The following EHBP1 variants were observed in gnomAD, a reference collection of about 807,000 sequenced individuals.
EHBP1 encodes the protein EH domain binding protein 1.
A neutral mutation model predicts 144.0 loss-of-function variants in EHBP1; 55 were observed. That is an observed-to-expected ratio of 0.38 (90% CI 0.31 to 0.48). The LOEUF (loss-of-function observed/expected upper bound fraction) is 0.48, where lower values mean the gene tolerates loss of function less well. Ranked by LOEUF, EHBP1 falls within the 20% of genes least tolerant of loss-of-function variation. EHBP1 has a pLI of 0.98. For missense variants in EHBP1, 1,200 were observed against 1,364.2 expected, an observed-to-expected ratio of 0.88 and a Z score of 1.90; for synonymous variants, 469 against 472.7, an observed-to-expected ratio of 0.99 and a Z score of 0.10.
intron 10 of EHBP1, among the ~76,000 whole-genome samples, chr2:62,918,257 A>G (rs1321039728): frequency 1.3e-5 from 2 of 151,930 alleles, no homozygotes; most frequent in Non-Finnish European, 1.5e-5. Context: ...CTTTCTCTCT[A>G]CTACTCTTTG....
At chr2:62,749,276 G>C (rs2039449055) in intron 3 of EHBP1, among the ~76,000 whole-genome samples, 1 of 152,066 alleles carries the variant, frequency 6.6e-6, no homozygotes, top group African/African-American at 2.4e-5. Flanking sequence ...GAGAGTGATG[G>C]TTTCCAGCTT....
At chr2:62,894,180 G>T (rs936535880) in intron 10 of EHBP1, among the ~76,000 whole-genome samples, 19 of 152,126 alleles carry the variant, frequency 1.2e-4, no homozygotes, top group African/African-American at 4.3e-4. Flanking sequence ...AGTTGAGAGG[G>T]ACATGACTAA....
At chr2:62,878,702 C>T (rs995990192) in intron 10 of EHBP1, among the ~76,000 whole-genome samples, 32 of 152,144 alleles carry the variant, frequency 2.1e-4, no homozygotes, top group African/African-American at 7.2e-4. Context: ...ATAAACAGAA[C>T]TAAAGACAAA....
intron 1 of EHBP1, among the ~76,000 whole-genome samples, chr2:62,695,055 A>G (rs1051140920): frequency 6.6e-6 from 1 of 152,158 alleles, no homozygotes; most frequent in African/African-American, 2.4e-5. Context: ...AAAGCAATTC[A>G]AGTACAAAAT....
intron 19 of EHBP1, among the ~76,000 whole-genome samples, chr2:63,013,839 A>G (rs1382623071): frequency 6.6e-6 from 1 of 152,210 alleles, no homozygotes; most frequent in African/African-American, 2.4e-5. Context: ...ACAGGAGGAA[A>G]TTTGAACAAA....
chr2:62,686,955 A>G (rs2033739529), intron 1 of EHBP1, among the ~76,000 whole-genome samples: 1 of 152,164 alleles, frequency 6.6e-6, no homozygotes, highest in Non-Finnish European at 1.5e-5. Context: ...TAACAACTCT[A>G]AAGACAAGCC....
chr2:62,881,418 G>GAAAAAAAAAAAAAAAAAAAAAAAAGA (rs371288881), intron 10 of EHBP1, among the ~76,000 whole-genome samples: 1 of 69,776 alleles, frequency 1.4e-5, no homozygotes, highest in Non-Finnish European at 2.7e-5. Context: ...AGGAAAAACG[G>GAAAAAAAAAAAAAAAAAAAAAAAAGA]AAAAAAAAAA....
Position 62,863,533 on chromosome 2 carries a change from A to G in EHBP1, c.758-1198A>G, listed in dbSNP as rs531271123. ...AACTTGATATATCTATCAGCTTACC[A>G]GTATTATTATAGTGCTTTCACCTTG... On this transcript the variant is annotated intron_variant, in intron 8 of 22. Coordinates refer to ENST00000431489, the MANE Select transcript of EHBP1 (RefSeq NM_001142616.3). 2.0e-5 allele frequency among the ~76,000 whole-genome samples: 3 copies of G among 152,358 alleles called. No individual in the cohort carries two copies. In the East Asian group the frequency reaches 5.8e-4, roughly 29 times the overall value.
At chr2:62,759,036 T>C (rs957946723) in intron 3 of EHBP1, among the ~76,000 whole-genome samples, 1 of 152,148 alleles carries the variant, frequency 6.6e-6, no homozygotes, top group Non-Finnish European at 1.5e-5. Flanking sequence ...TAGGTACACG[T>C]TTTTTAGGTA....
intron 10 of EHBP1, among the ~76,000 whole-genome samples, chr2:62,885,925 T>C (rs1237075539): frequency 6.6e-6 from 1 of 152,194 alleles, no homozygotes; most frequent in East Asian, 1.9e-4. Context: ...GCTAAATAAC[T>C]GAAGTCTTCA....
At chr2:62,978,765 A>G (rs1325590544) in intron 14 of EHBP1, among the ~76,000 whole-genome samples, 1 of 152,134 alleles carries the variant, frequency 6.6e-6, no homozygotes, top group East Asian at 1.9e-4. Flanking sequence ...GTATACCAGC[A>G]TTTTCTGCTA....
intron 10 of EHBP1, among the ~76,000 whole-genome samples, chr2:62,907,409 A>G (rs1460403969): frequency 2.6e-5 from 4 of 152,134 alleles, no homozygotes; most frequent in Non-Finnish European, 5.9e-5. Context: ...CTCTCTCTTA[A>G]TCATCTTAGG....
At position 63,002,442 on chromosome 2, in the gene EHBP1, A is replaced by T. The variant is rs938704996; in HGVS notation, c.3103+5676A>T. Among the ~76,000 whole-genome samples, 9 of 151,896 alleles carry T rather than the reference A, an allele frequency of 5.9e-5. No individual in the cohort carries two copies. In the South Asian group the frequency reaches 6.2e-4, roughly 10 times the overall value. ...TACAAAAATGTAATCTCAGCTATTT[A>T]AAAAAGTATAGTTTCTCAGTGTATT... is the stretch of plus-strand genomic sequence containing the variant. On this transcript the variant is annotated intron_variant, in intron 19 of 22. Coordinates refer to ENST00000431489, the MANE Select transcript of EHBP1 (RefSeq NM_001142616.3).
At chr2:62,808,651 G>A (rs1288557894) in intron 5 of EHBP1, among the ~76,000 whole-genome samples, 2 of 151,996 alleles carry the variant, frequency 1.3e-5, no homozygotes, top group African/African-American at 2.4e-5. Context: ...CAAACTGTGG[G>A]ATTTTTTTTT....
At chr2:62,814,734 G>A (rs577133722) in intron 5 of EHBP1, among the ~76,000 whole-genome samples, 9 of 152,288 alleles carry the variant, frequency 5.9e-5, no homozygotes, top group South Asian at 4.2e-4. Flanking sequence ...AAGGCATGAC[G>A]TGTTGCATTG....
At chr2:62,728,141 C>G (rs914169190) in intron 2 of EHBP1, among the ~76,000 whole-genome samples, 1 of 152,166 alleles carries the variant, frequency 6.6e-6, no homozygotes, top group Non-Finnish European at 1.5e-5. Flanking sequence ...GTGGGACACT[C>G]CACAACCTCG....
chr2:62,792,827 A>G (rs2043255606), intron 5 of EHBP1, among the ~76,000 whole-genome samples: 1 of 152,020 alleles, frequency 6.6e-6, no homozygotes, highest in Admixed American at 6.6e-5. Flanking sequence ...TATTAGTTTT[A>G]TGACTGAAGA....
chr2:62,841,437 A>T (rs912039007), intron 7 of EHBP1, among the ~76,000 whole-genome samples: 2 of 151,930 alleles, frequency 1.3e-5, no homozygotes, highest in Non-Finnish European at 2.9e-5. Context: ...ACATGTATAC[A>T]TATGTAACTA....
chr2:62,913,844 C>A (rs1389106111), intron 10 of EHBP1, among the ~76,000 whole-genome samples: 1 of 152,154 alleles, frequency 6.6e-6, no homozygotes, highest in Non-Finnish European at 1.5e-5. Context: ...AAGCATAACT[C>A]CTCAATACTT....
Sources: gnomAD v4.1 joint callset for allele counts (sites outside exome capture counted in the v4.1 genomes callset) on GRCh38, gnomAD v4.1.1 for gene constraint, MANE v1.5 for transcripts, NCBI Gene and HGNC (gene_info 2026-07-23, HGNC 2026-07-21) for gene names.